Variants in LAMA5 observed in about 807,000 individuals in gnomAD.
The protein encoded by LAMA5 is laminin subunit alpha 5, also known as laminin subunit alpha-5.
A neutral mutation model predicts 433.4 loss-of-function variants in LAMA5; 260 were observed. The ratio of observed to expected loss-of-function variants is 0.60; its 90% CI spans 0.54 to 0.66. LAMA5 has a LOEUF of 0.66. LAMA5 is among the 30% of genes least tolerant of loss of function. LAMA5 has a pLI of 0.00. For missense variants in LAMA5, 5,378 were observed against 5,258.5 expected (o/e 1.02, Z -0.70); for synonymous variants, 2,620 against 2,226.6 (o/e 1.18, Z -4.97).
Position 62,352,291 on chromosome 20 carries a change from G to A in LAMA5, c.638C>T (p.Ala213Val), listed in dbSNP as rs115914846. 2.3e-3 allele frequency: 3,667 copies of A among 1,600,454 alleles called. 88 individuals are homozygous for A. The African/African-American group carries it at 0.041, about 18-fold the overall frequency. ...TLERITRDDA[A>V]ICTTEYSRIV... Reference sequence around the variant, plus strand: ...GCGTGAGTACTCGGTGGTGCAGATGGCCGCGTCGTCCCGTGTGATGCGCTC... The same window carrying A: ...GCGTGAGTACTCGGTGGTGCAGATGACCGCGTCGTCCCGTGTGATGCGCTC... Residue 213 changes from alanine to valine, a missense_variant, in exon 4 of 80, where the codon GCC becomes GTC. Coordinates refer to ENST00000252999, the MANE Select transcript of LAMA5 (RefSeq NM_005560.6).
At chr20:62,334,463 G>T in intron 21 of LAMA5, 59 bp downstream of exon 21, 8 of 1,516,050 alleles carry the variant, frequency 5.3e-6, no homozygotes, top group Non-Finnish European at 7.1e-6. Flanking sequence ...ACACGGAGAG[G>T]CCCGGAGGAC....
In LAMA5 at chr20:62,346,819, A is replaced by G. The variant is rs771669044; in HGVS notation, c.1073-19T>C. On this transcript the variant is annotated intron_variant, in intron 7 of 79. Transcript: ENST00000252999. ...TTACAGGCTAGAGAGAGGGGAGCGC[A>G]GCTGTTGGCACGCCCTCCACAGGCC... The G allele has an allele frequency of 1.2e-6, 2 of 1,608,836 alleles. No individual in the cohort carries two copies. Among genetic ancestry groups the G allele is most frequent in the Non-Finnish European group, 1.7e-6 (2 of 1,176,680 alleles).
intron 64 of LAMA5, 28 bp downstream of exon 64, chr20:62,313,299 G>A: frequency 6.5e-7 from 1 of 1,539,460 alleles, no homozygotes; most frequent in South Asian, 1.2e-5. Context: ...TGGGGTGGGT[G>A]GAGACGGGGA....
intron 11 of LAMA5, 56 bp downstream of exon 11, chr20:62,345,762 G>A: frequency 7.8e-7 from 1 of 1,287,624 alleles, no homozygotes. Flanking sequence ...TTTCTGTGAA[G>A]CCGCCCCCAT....
chr20:62,317,552 C>T lies in LAMA5; in HGVS notation c.7357-53G>A, dbSNP rs1005462946. Reference sequence around the variant, plus strand: ...ATCCTGCTCACAGCCACCTGATCCACGACCCTGAGGGCGGGCTCTGCACGC... The same window carrying T: ...ATCCTGCTCACAGCCACCTGATCCATGACCCTGAGGGCGGGCTCTGCACGC... On this transcript the variant is annotated intron_variant, in intron 54 of 79. Transcript: ENST00000252999. 41 of 1,523,180 alleles carry T rather than the reference C, an allele frequency of 2.7e-5. No individual in the cohort carries two copies. In the Middle Eastern group the frequency reaches 7.1e-4, roughly 26 times the overall value. 94.4% of individuals were successfully genotyped at this position (1,523,180 alleles called of 1,614,324 possible).
At chr20:62,323,417 A>G in intron 45 of LAMA5, 39 bp downstream of exon 45, 2 of 1,467,908 alleles carry the variant, frequency 1.4e-6, no homozygotes, top group Non-Finnish European at 1.8e-6. Flanking sequence ...TCCCCGCGCA[A>G]CCCTCCCCAG....
In LAMA5 at chr20:62,319,798, G is replaced by A; in HGVS notation, c.6760-3C>T. ...GCCTGGTCTCGGGTCCCCACGGCCT[G>A]TGGAGGAAGAGCCCACTAGCCCACG... On this transcript the variant is annotated splice_region_variant and splice_polypyrimidine_tract_variant and intron_variant, in intron 50 of 79. Coordinates refer to ENST00000252999, the MANE Select transcript of LAMA5 (RefSeq NM_005560.6). The A allele has an allele frequency of 6.5e-7, 1 of 1,543,160 alleles. No individual in the cohort carries two copies. The highest frequency in any genetic ancestry group is 8.7e-7 in the Non-Finnish European group (1 of 1,144,306).
chr20:62,325,294 T>C (rs1397469574), intron 41 of LAMA5, 22 bp downstream of exon 41: 2 of 1,508,116 alleles, frequency 1.3e-6, no homozygotes, highest in South Asian at 2.5e-5. Flanking sequence ...CGCCTCGCAG[T>C]CTGGTGCTGT....
At chr20:62,327,478 C>G in intron 37 of LAMA5, 51 bp downstream of exon 37, 2 of 1,607,694 alleles carry the variant, frequency 1.2e-6, no homozygotes, top group Non-Finnish European at 1.7e-6. Flanking sequence ...TGCATCCAGT[C>G]CCACCTAAGA....
intron 11 of LAMA5, among the ~76,000 whole-genome samples, chr20:62,344,100 C>T (rs1302476728): frequency 1.4e-5 from 2 of 141,644 alleles, no homozygotes; most frequent in Admixed American, 7.5e-5. Context: ...GCCAAGATCA[C>T]ACCATCACAT....
chr20:62,320,652 G>A lies in LAMA5; in HGVS notation c.6666C>T (p.Pro2222=). The part of the protein sequence containing the change: ...IADLQSQLRS[P]LGPRHETAQQ... ...GTGCCGTCTCATGGCGGGGGCCCAG[G>A]GGGCTCCGGAGCTGGCTCTGTGGGA... The change falls in exon 50 of 80, where the codon CCC becomes CCT. Residue 2222 remains proline, a synonymous_variant. Coordinates refer to ENST00000252999, the MANE Select transcript of LAMA5 (RefSeq NM_005560.6). 6.2e-7 allele frequency: 1 copy of A among 1,608,266 alleles called. No homozygotes were observed. The highest frequency in any genetic ancestry group is 8.5e-7 in the Non-Finnish European group (1 of 1,178,372).
At chr20:62,347,186 G>A (rs549341082) in intron 6 of LAMA5, among the ~76,000 whole-genome samples, 158 bp from the exon 7 acceptor site, 3 of 152,290 alleles carry the variant, frequency 2.0e-5, no homozygotes, top group African/African-American at 4.8e-5. Context: ...GGCAGCAAGC[G>A]CTCGCCCAGA....
At position 62,319,042 on chromosome 20, in the gene LAMA5, G is replaced by A. The variant is rs755176019; in HGVS notation, c.6872-29C>T. 4.5e-5 allele frequency: 68 copies of A among 1,514,998 alleles called. No homozygotes were observed. In the Middle Eastern group the frequency reaches 1.1e-3, roughly 24 times the overall value. 93.8% of individuals were successfully genotyped at this position (1,514,998 alleles called of 1,614,324 possible). ...TGGGGCAGGGGTTCGTCAGAGCCTG[G>A]GGCCGCCCGTACTAGTGCACCTCTG... is the stretch of plus-strand genomic sequence containing the variant. On this transcript the variant is annotated intron_variant, in intron 51 of 79. Transcript: ENST00000252999.
chr20:62,323,697 C>T (rs542562914), intron 44 of LAMA5, 27 bp from the exon 45 acceptor site: 1 of 1,595,378 alleles, frequency 6.3e-7, no homozygotes, highest in Admixed American at 1.7e-5. Flanking sequence ...GAGGGGCCGT[C>T]AGTGGCCCGT....
At position 62,360,642 on chromosome 20, in the gene LAMA5, G is replaced by GTGGA. The variant is rs376997159; in HGVS notation, c.450+1757_450+1758insTCCA. On this transcript the variant is annotated intron_variant, in intron 2 of 79. Transcript: ENST00000252999. ...GGTGGGTGGAGGGATAGATGGGTGGGTGGGTGGGTGGAGGGATAGATGGGT... is the reference window on the plus strand; with the variant it reads ...GGTGGGTGGAGGGATAGATGGGTGGGTGGATGGGTGGGTGGAGGGATAGATGGGT... 5.9e-4 allele frequency among the ~76,000 whole-genome samples: 51 copies of GTGGA among 86,232 alleles called. 1 individual carries two copies. Among genetic ancestry groups the GTGGA allele is most frequent in the African/African-American group, 2.8e-3 (45 of 16,338 alleles). 56.6% of individuals were successfully genotyped at this position (86,232 alleles called of 152,430 possible).
rs748126903 is a variant in LAMA5 at position 62,359,584 on chromosome 20, G to A, written c.450+2816C>T. Among the ~76,000 whole-genome samples, 28 of 152,182 alleles carry A rather than the reference G, an allele frequency of 1.8e-4. No homozygotes were observed. The highest frequency in any genetic ancestry group is 5.1e-4 in the African/African-American group (21 of 41,530). ...GCTTCCGGAGGATGCAAGGAGATAC[G>A]CAAGAACCCCCTAGAAGGACCCCCT... On this transcript the variant is annotated intron_variant, in intron 2 of 79. Coordinates refer to ENST00000252999, the MANE Select transcript of LAMA5 (RefSeq NM_005560.6). The surrounding 1 kb of genome is among the most constrained non-coding windows in gnomAD (Gnocchi z 4.3).
rs757433268 is a variant in LAMA5, at chr20:62,346,923, G to A, written c.1062C>T (p.Asn354=). ...PWKPATANSA[N]ECQSCNCYGH... ...GGAGGAGGCACTCACACTGGCACTC[G>A]TTGGCACTGTTGGCAGTCGCAGGCT... Residue 354 remains asparagine (N), a synonymous_variant, in exon 7 of 80, where the codon AAC becomes AAT. Coordinates refer to ENST00000252999, the MANE Select transcript of LAMA5 (RefSeq NM_005560.6). 34 of 1,612,784 alleles carry A rather than the reference G, an allele frequency of 2.1e-5. No individual in the cohort carries two copies. Among genetic ancestry groups the A allele is most frequent in the Middle Eastern group, 1.6e-4 (1 of 6,082 alleles).
rs1252441786 is a variant in LAMA5 at position 62,321,023 on chromosome 20, C to T, written c.6497-133G>A. 4.1e-6 allele frequency: 4 copies of T among 968,964 alleles called. No homozygotes were observed. In the African/African-American group the frequency reaches 5.0e-5, roughly 12 times the overall value. 60.0% of individuals were successfully genotyped at this position (968,964 alleles called of 1,614,324 possible). Reference sequence around the variant, plus strand: ...ATGAGGTCAGCTTAGGGACACAGGACCTGTGGGGAGGTCCCAGAGTTCTGG... The same window carrying T: ...ATGAGGTCAGCTTAGGGACACAGGATCTGTGGGGAGGTCCCAGAGTTCTGG... On this transcript the variant is annotated intron_variant, in intron 48 of 79. Coordinates refer to ENST00000252999, the MANE Select transcript of LAMA5 (RefSeq NM_005560.6).
chr20:62,309,643 G>GGGT (rs1985967128), intron 79 of LAMA5, 73 bp downstream of exon 79: 2 of 1,099,762 alleles, frequency 1.8e-6, no homozygotes, highest in Non-Finnish European at 1.2e-6. Flanking sequence ...GAGGGGTGGG[G>GGGT]GGAGGGTGGT....
Sources: allele counts gnomAD v4.1 joint callset (sites outside exome capture counted in the v4.1 genomes callset), GRCh38; gene constraint gnomAD v4.1.1; non-coding constraint Gnocchi (gnomAD v3.1); transcripts MANE v1.5; gene names NCBI Gene and HGNC (gene_info 2026-07-23, HGNC 2026-07-21).